Variants in TBC1D22A observed in about 807,000 individuals in gnomAD.
The protein encoded by TBC1D22A is TBC1 domain family member 22A, also known as putative GTPase activator.
A neutral mutation model predicts 60.2 loss-of-function variants in TBC1D22A; 38 were observed. The observed-to-expected ratio is 0.63, with a 90% CI of 0.49 to 0.83. The LOEUF (loss-of-function observed/expected upper bound fraction) is 0.83. Ranked by LOEUF, TBC1D22A falls within the 40% of genes least tolerant of loss-of-function variation. TBC1D22A has a pLI of 0.00. For synonymous variants in TBC1D22A, 302 were observed against 281.7 expected (o/e 1.07, Z -0.72); for missense variants, 628 against 701.0 (o/e 0.90, Z 1.18).
At chr22:46,948,092 A>C (rs762104193) in intron 8 of TBC1D22A, among the ~76,000 whole-genome samples, 1 of 152,168 alleles carries the variant, frequency 6.6e-6, no homozygotes, top group African/African-American at 2.4e-5. Context: ...GCAAGGACGG[A>C]GGGCTGGGGT....
chr22:46,801,026 A>G (rs1306950016), intron 4 of TBC1D22A, among the ~76,000 whole-genome samples: 1 of 152,254 alleles, frequency 6.6e-6, no homozygotes, highest in Non-Finnish European at 1.5e-5. Flanking sequence ...CACACTTAAA[A>G]GTAAAGCTTT....
At chr22:47,017,476 G>C (rs576947160) in intron 10 of TBC1D22A, among the ~76,000 whole-genome samples, 2 of 152,244 alleles carry the variant, frequency 1.3e-5, no homozygotes, top group East Asian at 3.9e-4. Flanking sequence ...GCCATGATGG[G>C]GTTGGCGGCA....
intron 8 of TBC1D22A, among the ~76,000 whole-genome samples, chr22:46,930,273 C>A (rs989211009): frequency 3.9e-5 from 6 of 152,082 alleles, no homozygotes; most frequent in African/African-American, 1.4e-4. Flanking sequence ...ATTATAGTAT[C>A]TGACATTTAT....
At chr22:47,044,841 G>A (rs987058213) in intron 11 of TBC1D22A, among the ~76,000 whole-genome samples, 1 of 152,200 alleles carries the variant, frequency 6.6e-6, no homozygotes, top group Non-Finnish European at 1.5e-5. Context: ...AGTCCTTAGC[G>A]ACTTTAAGCT....
At position 46,777,015 on chromosome 22, in the gene TBC1D22A, A is replaced by G. The variant is rs1236679706; in HGVS notation, c.62+14167A>G. Among the ~76,000 whole-genome samples the G allele has an allele frequency of 6.6e-6, 1 of 152,126 alleles. No homozygotes were observed. The highest frequency in any genetic ancestry group is 1.5e-5 in the Non-Finnish European group (1 of 68,012). On this transcript the variant is annotated intron_variant, in intron 1 of 12. Transcript: ENST00000337137. This position sits in a 1 kb window ranked among gnomAD's most constrained non-coding sequence, Gnocchi z 4.5. ...CAACTGTCATGTTCTTCTCAGGAGC[A>G]GGGGATGGGTCAGGGCCAGGGCTGA... is the stretch of plus-strand genomic sequence containing the variant.
chr22:46,986,346 A>G (rs947064333), intron 9 of TBC1D22A, among the ~76,000 whole-genome samples: 9 of 152,000 alleles, frequency 5.9e-5, no homozygotes, highest in Admixed American at 5.9e-4. Flanking sequence ...TAAAAAATTA[A>G]GTATTTTTGG....
At chr22:46,822,354 ATTCT>A (rs1433249899) in intron 4 of TBC1D22A, among the ~76,000 whole-genome samples, 2 of 151,840 alleles carry the variant, frequency 1.3e-5, no homozygotes, top group Admixed American at 1.3e-4. Flanking sequence ...TTTTTCGTTG[ATTCT>A]TTCTCATCTT....
intron 1 of TBC1D22A, chr22:46,763,445 C>T (rs1288099091): frequency 9.0e-6 from 1 of 111,588 alleles, no homozygotes; most frequent in Non-Finnish European, 1.7e-5. Context: ...CTGGAATGAC[C>T]TGGGTACACC....
intron 4 of TBC1D22A, among the ~76,000 whole-genome samples, chr22:46,877,436 C>T (rs1016079510): frequency 1.3e-5 from 2 of 152,142 alleles, no homozygotes; most frequent in Non-Finnish European, 1.5e-5. Context: ...CAGAGTTATG[C>T]CGAGGGAGAG....
intron 11 of TBC1D22A, among the ~76,000 whole-genome samples, chr22:47,051,046 G>T (rs969756320): frequency 1.3e-4 from 20 of 152,194 alleles, no homozygotes; most frequent in African/African-American, 4.8e-4. Context: ...CGGCTCTGGG[G>T]CTTCCCCAGG....
At chr22:46,831,520 A>G (rs1412786756) in intron 4 of TBC1D22A, among the ~76,000 whole-genome samples, 1 of 152,102 alleles carries the variant, frequency 6.6e-6, no homozygotes, top group Non-Finnish European at 1.5e-5. Context: ...ATATAATGAA[A>G]TTTTGTTTTA....
rs1483825739 is a variant in TBC1D22A at position 47,009,355 on chromosome 22, TCATCAC to T, written c.1201+11658_1201+11663del. Reference sequence around the variant, plus strand: ...CATCATTATGTCATCACCACCATCATCATCACCATCACCATCATCATTTCATCACCA... The same window carrying T: ...CATCATTATGTCATCACCACCATCATCATCACCATCATCATTTCATCACCA... On this transcript the variant is annotated intron_variant, in intron 10 of 12. Transcript: ENST00000337137. This position sits in a 1 kb window ranked among gnomAD's most constrained non-coding sequence, Gnocchi z 5.8. Among the ~76,000 whole-genome samples the T allele has an allele frequency of 2.6e-5, 4 of 151,456 alleles. No homozygotes were observed. The East Asian group carries it at 5.8e-4, about 22-fold the overall frequency.
At chr22:47,153,576 G>T (rs564691099) in intron 12 of TBC1D22A, among the ~76,000 whole-genome samples, 1 of 152,072 alleles carries the variant, frequency 6.6e-6, no homozygotes, top group African/African-American at 2.4e-5. Flanking sequence ...GCAGGTGGAC[G>T]GGCAAGGGAA....
At chr22:46,910,983 A>C (rs1318289846) in intron 7 of TBC1D22A, among the ~76,000 whole-genome samples, 3 of 151,782 alleles carry the variant, frequency 2.0e-5, no homozygotes, top group African/African-American at 7.3e-5. Flanking sequence ...ACCCTGGGGC[A>C]GGGACCAGAC....
At chr22:46,946,897 C>T (rs193019819) in intron 8 of TBC1D22A, among the ~76,000 whole-genome samples, 4 of 152,280 alleles carry the variant, frequency 2.6e-5, no homozygotes, top group Admixed American at 2.0e-4. Context: ...CATTTTATGT[C>T]TCCAGTAGGT....
intron 10 of TBC1D22A, among the ~76,000 whole-genome samples, chr22:47,013,024 G>T (rs2061800111): frequency 6.6e-6 from 1 of 152,184 alleles, no homozygotes; most frequent in Non-Finnish European, 1.5e-5. Context: ...TGGACCGGGA[G>T]AGGGCTCCCT....
intron 8 of TBC1D22A, among the ~76,000 whole-genome samples, chr22:46,968,334 G>C (rs1159080848): frequency 6.6e-6 from 1 of 152,226 alleles, no homozygotes; most frequent in African/African-American, 2.4e-5. Flanking sequence ...CAGGACCTGG[G>C]TGTGTTACCT....
At chr22:46,877,148 G>A (rs131868) in intron 4 of TBC1D22A, among the ~76,000 whole-genome samples, 92,631 of 152,086 alleles carry the variant, frequency 0.61, 30,248 homozygotes, top group Middle Eastern at 0.82. Context: ...GTTCCTGTGT[G>A]ACCTTGGTCA....
intron 11 of TBC1D22A, among the ~76,000 whole-genome samples, chr22:47,104,887 C>T (rs5767489): frequency 0.38 from 57,875 of 151,704 alleles, 11,148 homozygotes; most frequent in South Asian, 0.47. Context: ...ATTCACCTAT[C>T]GCCTGGGAAC....
Sources: gnomAD v4.1 joint callset for allele counts (sites outside exome capture counted in the v4.1 genomes callset) on GRCh38, gnomAD v4.1.1 for gene constraint, Gnocchi (gnomAD v3.1) non-coding constraint, MANE v1.5 for transcripts, NCBI Gene and HGNC (gene_info 2026-07-23, HGNC 2026-07-21) for gene names.